Variants in NFIA observed in about 807,000 individuals in gnomAD.
The protein encoded by NFIA is nuclear factor 1 A-type.
Under a neutral mutation model 62.8 loss-of-function variants are expected in NFIA, and 8 were observed. The observed-to-expected ratio is 0.13, with a 90% CI of 0.07 to 0.23. The LOEUF (loss-of-function observed/expected upper bound fraction) is 0.23, where lower values mean the gene tolerates loss of function less well. NFIA is among the 10% of genes least tolerant of loss of function. NFIA has a pLI of 1.00. For synonymous variants in NFIA, 235 were observed against 238.1 expected (o/e 0.99, Z 0.12); for missense variants, 410 against 642.1 (o/e 0.64, Z 3.91).
At chr1:61,360,345 A>G (rs1227860559) in intron 6 of NFIA, among the ~76,000 whole-genome samples, 1 of 152,242 alleles carries the variant, frequency 6.6e-6, no homozygotes, top group African/African-American at 2.4e-5. Flanking sequence ...GTGCCTTGAA[A>G]TCAGACAGTT....
chr1:61,299,943 C>T (rs997908155), intron 3 of NFIA, among the ~76,000 whole-genome samples: 1 of 152,078 alleles, frequency 6.6e-6, no homozygotes, highest in East Asian at 1.9e-4. Context: ...GTTTTATACT[C>T]ATGAGATGAA....
intron 2 of NFIA, among the ~76,000 whole-genome samples, chr1:61,211,487 CATTT>C (rs1303498363): frequency 2.6e-5 from 4 of 152,156 alleles, no homozygotes; most frequent in Non-Finnish European, 2.9e-5. Context: ...TGGATTATCT[CATTT>C]AATTGTCTCA....
At chr1:61,390,114 G>A (rs1019160563) in intron 7 of NFIA, among the ~76,000 whole-genome samples, 22 of 152,148 alleles carry the variant, frequency 1.4e-4, no homozygotes, top group South Asian at 6.2e-4. Flanking sequence ...AAAATGAGGG[G>A]AAGGACATCC....
At chr1:61,132,928 G>A (rs1299191860) in intron 2 of NFIA, 1 of 152,122 alleles carries the variant, frequency 6.6e-6, no homozygotes, top group Non-Finnish European at 1.5e-5. Context: ...CAGACCTAGA[G>A]ATGGGGAGCA....
intron 3 of NFIA, among the ~76,000 whole-genome samples, chr1:61,306,085 C>T (rs1050508327): frequency 9.2e-5 from 14 of 151,660 alleles, no homozygotes; most frequent in South Asian, 6.2e-4. Context: ...CTCCTGACCT[C>T]GTGATCCGCC....
chr1:61,189,088 T>C (rs1444687433), intron 2 of NFIA, among the ~76,000 whole-genome samples: 1 of 152,146 alleles, frequency 6.6e-6, no homozygotes, highest in Non-Finnish European at 1.5e-5. Context: ...ATCAAAGTCC[T>C]GGTATCAGGA....
intron 2 of NFIA, among the ~76,000 whole-genome samples, chr1:61,152,566 T>A (rs1216565373): frequency 6.6e-6 from 1 of 152,240 alleles, no homozygotes; most frequent in African/African-American, 2.4e-5. Context: ...TATTATAAAT[T>A]CTCATTTTAG....
At position 61,455,640 on chromosome 1, in the gene NFIA, G is replaced by A. The variant is rs1019718136; in HGVS notation, c.*320G>A. Reference sequence around the variant, plus strand: ...AGCATTAGGTGACGTGGCTAGCGGAGGACTACCCTTGCTCACTGACTTCCT... The same window carrying A: ...AGCATTAGGTGACGTGGCTAGCGGAAGACTACCCTTGCTCACTGACTTCCT... On this transcript the variant is annotated 3_prime_UTR_variant, in exon 11 of 11. Transcript: ENST00000403491. 2.4e-6 allele frequency: 1 copy of A among 421,216 alleles called. No individual in the cohort carries two copies. Among genetic ancestry groups the A allele is most frequent in the African/African-American group, 2.1e-5 (1 of 48,528 alleles). 26.1% of individuals were successfully genotyped at this position (421,216 alleles called of 1,614,324 possible). A position where few individuals can be genotyped will look rare whatever the true frequency, so the allele number is the denominator to read the frequency against.
chr1:61,145,644 A>T (rs1334741818), intron 2 of NFIA, among the ~76,000 whole-genome samples: 4 of 152,110 alleles, frequency 2.6e-5, no homozygotes, highest in Non-Finnish European at 5.9e-5. Context: ...GTAATGCGTT[A>T]TATGCAGGTG....
intron 7 of NFIA, among the ~76,000 whole-genome samples, chr1:61,391,696 C>G (rs1664994571): frequency 6.6e-6 from 1 of 152,226 alleles, no homozygotes; most frequent in African/African-American, 2.4e-5. Context: ...AGAACGTCCC[C>G]TGGCGTTTCA....
chr1:61,398,917 C>A (rs1037291093), intron 7 of NFIA, among the ~76,000 whole-genome samples: 1 of 152,176 alleles, frequency 6.6e-6, no homozygotes, highest in African/African-American at 2.4e-5. Context: ...AAGCAAGATA[C>A]ATAGTAGTTG....
At chr1:61,281,219 CAG>C (rs1383687241) in intron 3 of NFIA, among the ~76,000 whole-genome samples, 1 of 148,404 alleles carries the variant, frequency 6.7e-6, no homozygotes, top group African/African-American at 2.5e-5. Context: ...GCCTGGGTGA[CAG>C]AGCAAGACTC....
At chr1:61,388,954 A>G (rs939660357) in intron 7 of NFIA, among the ~76,000 whole-genome samples, 1 of 152,002 alleles carries the variant, frequency 6.6e-6, no homozygotes, top group Non-Finnish European at 1.5e-5. Context: ...CTCTACAAAA[A>G]CTTTTTAAAA....
intron 7 of NFIA, chr1:61,385,900 T>C (rs1419164551): frequency 6.6e-6 from 1 of 152,192 alleles, no homozygotes; most frequent in Non-Finnish European, 1.5e-5. Context: ...CATCCTCGGC[T>C]CTCCTTTCTG....
At chr1:61,133,508 G>A (rs1244307117) in intron 2 of NFIA, among the ~76,000 whole-genome samples, 1 of 152,112 alleles carries the variant, frequency 6.6e-6, no homozygotes, top group Non-Finnish European at 1.5e-5. Flanking sequence ...CTAGAACAGT[G>A]CCTGACATAC....
chr1:61,274,052 C>G (rs1440795602), intron 2 of NFIA, among the ~76,000 whole-genome samples: 1 of 152,170 alleles, frequency 6.6e-6, no homozygotes. Flanking sequence ...TCCGTTCTTG[C>G]ATTGTACAAG....
chr1:61,087,478 C>T (rs1170333400), intron 1 of NFIA, among the ~76,000 whole-genome samples: 1 of 151,676 alleles, frequency 6.6e-6, no homozygotes, highest in Admixed American at 6.6e-5. Flanking sequence ...ATATCAAATT[C>T]AATCCTTCTT....
chr1:61,085,320 T>C (rs1022018909), intron 1 of NFIA, among the ~76,000 whole-genome samples: 9 of 152,160 alleles, frequency 5.9e-5, no homozygotes, highest in African/African-American at 9.7e-5. Flanking sequence ...TTAAAAAAAG[T>C]AGTTTCCAGA....
chr1:61,332,874 AC>A lies in NFIA; in HGVS notation c.700+290del, dbSNP rs1274941917. Among the ~76,000 whole-genome samples, 3 of 152,118 alleles carry A rather than the reference AC, an allele frequency of 2.0e-5. 1 individual carries two copies. The highest frequency in any genetic ancestry group is 6.6e-5 in the Admixed American group (1 of 15,264). The stretch of plus-strand genomic sequence containing the variant: ...TGCATTTTAAAAGAATTTGTTTTTG[AC>A]CTTTAAAAAATGCTAATGCCCTCAG... On this transcript the variant is annotated intron_variant, in intron 4 of 10. Transcript: ENST00000403491.
Sources: gnomAD v4.1 joint callset for allele counts (sites outside exome capture counted in the v4.1 genomes callset) on GRCh38, gnomAD v4.1.1 for gene constraint, MANE v1.5 for transcripts, NCBI Gene and HGNC (gene_info 2026-07-23, HGNC 2026-07-21) for gene names.